PLCD3: variants seen among roughly 807,000 people sequenced by gnomAD.
PLCD3 encodes phospholipase C delta 3.
PLCD3 carries 62 observed loss-of-function variants against 82.8 expected under a neutral mutation model. The observed-to-expected ratio is 0.75, with a 90% CI of 0.61 to 0.93. The LOEUF is 0.93. Ranked by LOEUF, PLCD3 falls within the 40% of genes least tolerant of loss-of-function variation. The pLI is 0.00. For synonymous variants in PLCD3, 478 were observed against 471.8 expected (o/e 1.01, Z -0.17); for missense variants, 1,023 against 1,103.4 (o/e 0.93, Z 1.03).
chr17:45,119,256 C>T (rs891655823), intron 4 of PLCD3, among the ~76,000 whole-genome samples: 3 of 152,190 alleles, frequency 2.0e-5, no homozygotes, highest in African/African-American at 7.2e-5. Context: ...TTTGTTTGGT[C>T]TTGCTCTGTT....
chr17:45,118,683 T>C lies in PLCD3; in HGVS notation c.913+132A>G, dbSNP rs78336821. On this transcript the variant is annotated intron_variant, in intron 5 of 14. Coordinates refer to ENST00000619929, the MANE Select transcript of PLCD3 (RefSeq NM_133373.5). This position sits in a 1 kb window ranked among gnomAD's most constrained non-coding sequence, Gnocchi z 4.1. ...ACAAACTGTTGTGCCATTTTACACA[T>C]GTGGAAGCTGAGTCTGGAGGAGGTG... The C allele has an allele frequency of 0.04, 45,375 of 1,128,646 alleles. 1,127 individuals carry two copies. The highest frequency in any genetic ancestry group is 0.087 in the African/African-American group (5,587 of 64,362). The allele number at this position is 1,128,646 out of a possible 1,614,324, so 69.9% of individuals were successfully genotyped here.
chr17:45,118,088 G>A lies in PLCD3; in HGVS notation c.1166C>T (p.Pro389Leu). 1 of 1,613,860 alleles carries A rather than the reference G, an allele frequency of 6.2e-7. No individual in the cohort carries two copies. The highest frequency in any genetic ancestry group is 8.5e-7 in the Non-Finnish European group (1 of 1,179,860). Residue 389 changes from proline to leucine, a missense_variant, in exon 7 of 15, where the codon CCA (proline) becomes CTA (leucine). This residue lies in a region of PLCD3 where 553 missense variants were observed against 655.7 expected (regional missense o/e 0.84). Transcript: ENST00000619929. This position sits in a 1 kb window ranked among gnomAD's most constrained non-coding sequence, Gnocchi z 4.1. Reference protein sequence around the residue: ...RCVELDCWEGPGGEPVIYHGH... With the variant: ...RCVELDCWEGLGGEPVIYHGH... ...ATGATAGATGACGGGCTCCCCTCCT[G>A]GCCCCTCCCAGCAGTCCAGCTCCAC...
At chr17:45,130,615 G>T (rs937009211) in intron 1 of PLCD3, among the ~76,000 whole-genome samples, 2 of 152,138 alleles carry the variant, frequency 1.3e-5, no homozygotes. Context: ...TGGGAGTTCT[G>T]GGGTCCATCC....
chr17:45,112,738 G>C, intron 14 of PLCD3, 34 bp from the exon 15 acceptor site: 1 of 1,593,368 alleles, frequency 6.3e-7, no homozygotes, highest in Non-Finnish European at 8.5e-7. Flanking sequence ...CAGGTCCTCT[G>C]TGCACCCTGG....
rs2054318146 is a variant in PLCD3, at chr17:45,119,223, GGTTTGTTTTTTAGGTTT to G, written c.685-197_685-181del. On this transcript the variant is annotated intron_variant, in intron 4 of 14. Transcript: ENST00000619929. The stretch of plus-strand genomic sequence containing the variant: ...GGTAAATTACAGGGCAGGATTTTTT[GGTTTGTTTTTTAGGTTT>G]GTTTGTTTGTTTGGTCTTGCTCTGT... The G allele has an allele frequency of 6.5e-6, 4 of 611,828 alleles. No homozygotes were observed. In the South Asian group the frequency reaches 8.1e-5, roughly 12 times the overall value. The allele number at this position is 611,828 out of a possible 1,614,324, so 37.9% of individuals were successfully genotyped here. A position where few individuals can be genotyped will look rare whatever the true frequency, so the allele number is the denominator to read the frequency against.
chr17:45,127,200 G>A (rs1487862957), intron 1 of PLCD3, among the ~76,000 whole-genome samples: 2 of 152,182 alleles, frequency 1.3e-5, no homozygotes, highest in Admixed American at 1.3e-4. Context: ...TGCCCCGGGT[G>A]GAAAGAGGCA....
intron 1 of PLCD3, among the ~76,000 whole-genome samples, chr17:45,125,510 T>C (rs1219996366): frequency 2.6e-5 from 4 of 152,196 alleles, no homozygotes; most frequent in African/African-American, 9.7e-5. Flanking sequence ...GGCAGGAGAA[T>C]GCTTGAACCC....
In PLCD3 at chr17:45,113,557, C is replaced by G. The variant is rs1370543857; in HGVS notation, c.1877G>C (p.Gly626Ala). 1 of 1,561,100 alleles carries G rather than the reference C, an allele frequency of 6.4e-7. No individual in the cohort carries two copies. Among genetic ancestry groups the G allele is most frequent in the South Asian group, 1.2e-5 (1 of 84,560 alleles). ...TPGYEMDLNA[G>A]RFLVNGQCGY... ...ACACTGCCCATTGACTAGGAAGCGC[C>G]CGGCATTGAGGTCCATCTCGTAGCC... is the stretch of plus-strand genomic sequence containing the variant. The change falls in exon 12 of 15, where the codon GGG (glycine) becomes GCG (alanine). Residue 626 changes from glycine to alanine, a missense_variant. Coordinates refer to ENST00000619929, the MANE Select transcript of PLCD3 (RefSeq NM_133373.5).
At chr17:45,131,354 A>T (rs2054441798) in intron 1 of PLCD3, among the ~76,000 whole-genome samples, 1 of 152,204 alleles carries the variant, frequency 6.6e-6, no homozygotes, top group African/African-American at 2.4e-5. Context: ...GCAGCACTTC[A>T]GTGGCGCGGT....
intron 1 of PLCD3, among the ~76,000 whole-genome samples, chr17:45,122,948 A>G (rs911945771): frequency 6.6e-6 from 1 of 152,088 alleles, no homozygotes; most frequent in Non-Finnish European, 1.5e-5. Flanking sequence ...AGAACCGAAT[A>G]TAGATCTGTG....
At position 45,112,277 on chromosome 17, in the gene PLCD3, G is replaced by A; in HGVS notation, c.*339C>T. 1 of 309,052 alleles carries A rather than the reference G, an allele frequency of 3.2e-6. No homozygotes were observed. The highest frequency in any genetic ancestry group is 3.8e-5 in the South Asian group (1 of 26,654). The allele number at this position is 309,052 out of a possible 1,614,324, so 19.1% of individuals were successfully genotyped here. ...CACGGGAGGACAGAGGGGAACTGAG[G>A]GCCCACAAGTGTCCTGCTCCCCAAG... On this transcript the variant is annotated 3_prime_UTR_variant, in exon 15 of 15. Coordinates refer to ENST00000619929, the MANE Select transcript of PLCD3 (RefSeq NM_133373.5).
rs1401413935 is a variant in PLCD3, at chr17:45,118,002, C to G, written c.1252G>C (p.Ala418Pro). The G allele has an allele frequency of 1.2e-6, 2 of 1,613,378 alleles. No homozygotes were observed. The highest frequency in any genetic ancestry group is 4.5e-5 in the East Asian group (2 of 44,864). ...RDVVQAVRDHAFTLSPYPVIL... is the reference protein window; with the variant it reads ...RDVVQAVRDHPFTLSPYPVIL... ...GCATCCCAGGGGCTCACCGTGAAGGCATGGTCGCGCACGGCTTGGACCACG... is the reference window on the plus strand; with the variant it reads ...GCATCCCAGGGGCTCACCGTGAAGGGATGGTCGCGCACGGCTTGGACCACG... Residue 418 changes from alanine (A) to proline (P), a missense_variant, in exon 7 of 15, where the codon GCC (alanine) becomes CCC (proline). Ala to Pro is a conservative substitution (Grantham distance 27, BLOSUM62 -1). This residue lies in a region of PLCD3 where 553 missense variants were observed against 655.7 expected (regional missense o/e 0.84). Coordinates refer to ENST00000619929, the MANE Select transcript of PLCD3 (RefSeq NM_133373.5). This position sits in a 1 kb window ranked among gnomAD's most constrained non-coding sequence, Gnocchi z 4.1.
Position 45,121,103 on chromosome 17 carries a change from C to T in PLCD3, c.353G>A (p.Arg118His), listed in dbSNP as rs867542786. Residue 118 changes from arginine (R) to histidine (H), a missense_variant, in exon 3 of 15, where the codon CGC becomes CAC. Physicochemically the swap from Arg to His is conservative, Grantham distance 29. This residue lies in a region of PLCD3 where 448 missense variants were observed against 406.3 expected (regional missense o/e 1.10). Transcript: ENST00000619929. ...IFFVQHIEAV[R>H]EGHQSEGLRR... ...CAGGCCCTCGGACTGGTGGCCCTCG[C>T]GGACCGCCTCGATGTGCTGCACGAA... is the stretch of plus-strand genomic sequence containing the variant. 1 of 1,528,368 alleles carries T rather than the reference C, an allele frequency of 6.5e-7. No individual in the cohort carries two copies. The highest frequency in any genetic ancestry group is 1.7e-4 in the Middle Eastern group (1 of 5,914). The allele number at this position is 1,528,368 out of a possible 1,614,324, so 94.7% of individuals were successfully genotyped here. A position where few individuals can be genotyped will look rare whatever the true frequency, so the allele number is the denominator to read the frequency against.
In PLCD3 at chr17:45,116,761, T is replaced by C; in HGVS notation, c.1284A>G (p.Leu428=). 1.9e-6 allele frequency: 3 copies of C among 1,604,842 alleles called. No individual in the cohort carries two copies. The highest frequency in any genetic ancestry group is 2.6e-6 in the Non-Finnish European group (3 of 1,175,090). The change falls in exon 8 of 15, where the codon CTA becomes CTG. Residue 428 remains leucine (L), a synonymous_variant. Transcript: ENST00000619929. ...CCAGCCCGCAGTGGTTCTCCAGGGA[T>C]AGGATGACAGGGTAAGGGGACAGCT... ...AFTLSPYPVI[L]SLENHCGLEQ...
In PLCD3 at chr17:45,116,557, G is replaced by A. The variant is rs898274928; in HGVS notation, c.1413+75C>T. On this transcript the variant is annotated intron_variant, in intron 8 of 14. Transcript: ENST00000619929. ...AGGTGAGGGGTCCTGAGCCACAGAG[G>A]TGGCACGAGCAGTGCGGGGAGGCGG... 9.9e-6 allele frequency: 14 copies of A among 1,418,624 alleles called. No individual in the cohort carries two copies. In the African/African-American group the frequency reaches 1.5e-4, roughly 15 times the overall value. The allele number at this position is 1,418,624 out of a possible 1,614,324, so 87.9% of individuals were successfully genotyped here. A position where few individuals can be genotyped will look rare whatever the true frequency, so the allele number is the denominator to read the frequency against.
intron 1 of PLCD3, among the ~76,000 whole-genome samples, chr17:45,124,878 G>A (rs1165020365): frequency 6.6e-6 from 1 of 152,176 alleles, no homozygotes. Flanking sequence ...GAAAATGAGG[G>A]CAAACGAAAG....
intron 1 of PLCD3, among the ~76,000 whole-genome samples, chr17:45,127,670 G>A (rs1479813553): frequency 2.0e-5 from 3 of 152,136 alleles, no homozygotes; most frequent in Admixed American, 1.3e-4. Context: ...AGGGAGGGTG[G>A]GAGTTCTGTC....
chr17:45,131,209 G>A (rs1471407652), intron 1 of PLCD3, among the ~76,000 whole-genome samples: 5 of 152,210 alleles, frequency 3.3e-5, no homozygotes, highest in African/African-American at 7.2e-5. Context: ...GTAACAAGAA[G>A]GCAAAACTGG....
intron 1 of PLCD3, among the ~76,000 whole-genome samples, chr17:45,127,313 G>A (rs2054389020): frequency 6.6e-6 from 1 of 152,204 alleles, no homozygotes; most frequent in South Asian, 2.1e-4. Context: ...AGTGTTGTCA[G>A]CTGGGGCTCA....
Sources: gnomAD v4.1 joint callset for allele counts (sites outside exome capture counted in the v4.1 genomes callset) on GRCh38, gnomAD v4.1.1 for gene constraint, gnomAD v4.1.1 regional missense constraint, Gnocchi (gnomAD v3.1) non-coding constraint, MANE v1.5 for transcripts, NCBI Gene and HGNC (gene_info 2026-07-23, HGNC 2026-07-21) for gene names.